Variants in SIL1 observed in about 807,000 individuals in gnomAD.
SIL1 encodes the protein SIL1 nucleotide exchange factor.
A neutral mutation model predicts 49.1 loss-of-function variants in SIL1; 40 were observed. The observed-to-expected ratio is 0.81, with a 90% CI of 0.63 to 1.06. SIL1 has a LOEUF of 1.06. SIL1 is among the 50% of genes least tolerant of loss of function. The probability of loss-of-function intolerance (pLI) is 0.00; values close to 1 mark genes in which losing one functional copy is unlikely to be tolerated. For synonymous variants in SIL1, 253 were observed against 250.8 expected (o/e 1.01, Z -0.08); for missense variants, 500 against 572.6 (o/e 0.87, Z 1.29).
chr5:139,071,188 T>TAAG (rs140468958), intron 3 of SIL1, among the ~76,000 whole-genome samples: 16 of 109,128 alleles, frequency 1.5e-4, no homozygotes, highest in African/African-American at 1.8e-4. Flanking sequence ...AGACAATTTA[T>TAAG]AAGAAGAAGA....
At chr5:138,958,537 TTC>T (rs2150382975) in intron 7 of SIL1, among the ~76,000 whole-genome samples, 2 of 152,288 alleles carry the variant, frequency 1.3e-5, no homozygotes, top group Non-Finnish European at 2.9e-5. Flanking sequence ...TCATTGACAA[TTC>T]TTGCTTAATT....
intron 6 of SIL1, chr5:139,021,961 A>G (rs1226234227): frequency 6.3e-6 from 1 of 157,554 alleles, no homozygotes; most frequent in Non-Finnish European, 1.4e-5. Context: ...ATCATTACAT[A>G]AAGTTCTATT....
intron 1 of SIL1, chr5:139,155,448 T>TGAGAGTGAGAGAGAGAGAGAGAGAGAGA (rs1751386941): frequency 7.9e-6 from 1 of 125,908 alleles, no homozygotes; most frequent in Non-Finnish European, 1.8e-5. Context: ...GTACACAGAG[T>TGAGAGTGAGAGAGAGAGAGAGAGAGAGA]GAGAGAGAGA....
At position 139,112,479 on chromosome 5, in the gene SIL1, C is replaced by T. The variant is rs1230351978; in HGVS notation, c.244+8556G>A. Among the ~76,000 whole-genome samples the T allele has an allele frequency of 1.4e-3, 213 of 149,848 alleles. 1 individual carries two copies. Among genetic ancestry groups the T allele is most frequent in the Non-Finnish European group, 2.6e-3 (174 of 67,372 alleles). ...GCCACCCAGTCTGGGATGTGAGGAG[C>T]GCCTCTGCCCGGCCGCGACCCCGTC... On this transcript the variant is annotated intron_variant, in intron 3 of 9. Transcript: ENST00000394817.
intron 7 of SIL1, among the ~76,000 whole-genome samples, chr5:138,972,463 C>T (rs1163756086): frequency 6.6e-6 from 1 of 152,246 alleles, no homozygotes; most frequent in Non-Finnish European, 1.5e-5. Context: ...CATGGGTGAA[C>T]CCTCTGGCTC....
chr5:139,125,752 G>A (rs906356150), intron 2 of SIL1, among the ~76,000 whole-genome samples: 1 of 152,140 alleles, frequency 6.6e-6, no homozygotes, highest in Admixed American at 6.5e-5. Context: ...GGGATCTTAC[G>A]AAGGGCCTGT....
At chr5:139,062,161 G>A (rs1332072343) in intron 3 of SIL1, among the ~76,000 whole-genome samples, 6 of 152,026 alleles carry the variant, frequency 3.9e-5, no homozygotes, top group South Asian at 2.1e-4. Context: ...AACAAATAAC[G>A]TGCACAAACC....
At chr5:139,062,907 G>C (rs1452798119) in intron 3 of SIL1, among the ~76,000 whole-genome samples, 1 of 152,222 alleles carries the variant, frequency 6.6e-6, no homozygotes, top group African/African-American at 2.4e-5. Context: ...TTGGGCACTG[G>C]GAAGTATACT....
At chr5:139,183,311 G>T (rs963244959) in intron 1 of SIL1, among the ~76,000 whole-genome samples, 4 of 152,196 alleles carry the variant, frequency 2.6e-5, no homozygotes, top group African/African-American at 9.7e-5. Flanking sequence ...TTTAAATTCT[G>T]ATTTAAGTAG....
intron 3 of SIL1, among the ~76,000 whole-genome samples, chr5:139,104,208 G>A (rs956821478): frequency 6.6e-6 from 1 of 152,218 alleles, no homozygotes; most frequent in Non-Finnish European, 1.5e-5. Context: ...TGGCTCAGAG[G>A]TAGCAACAAT....
At chr5:139,137,771 G>A (rs567207886) in intron 1 of SIL1, among the ~76,000 whole-genome samples, 1 of 148,474 alleles carries the variant, frequency 6.7e-6, no homozygotes, top group South Asian at 2.1e-4. Context: ...CTGAATGGGT[G>A]CTGGGAAAAC....
chr5:138,969,069 C>T lies in SIL1; in HGVS notation c.768-17185G>A, dbSNP rs60670119. 3.4e-3 allele frequency among the ~76,000 whole-genome samples: 514 copies of T among 152,180 alleles called. 1 individual carries two copies. The highest frequency in any genetic ancestry group is 0.012 in the African/African-American group (496 of 41,526). Reference sequence around the variant, plus strand: ...CTCCTCCTAGGAATGTCTGTATTTGCTCACAAAGAGAAGTTTATATATATA... The same window carrying T: ...CTCCTCCTAGGAATGTCTGTATTTGTTCACAAAGAGAAGTTTATATATATA... On this transcript the variant is annotated intron_variant, in intron 7 of 9. Transcript: ENST00000394817.
At chr5:139,171,226 C>G (rs939731595) in intron 1 of SIL1, among the ~76,000 whole-genome samples, 3 of 152,108 alleles carry the variant, frequency 2.0e-5, no homozygotes, top group African/African-American at 4.8e-5. Context: ...GAGAACGGGC[C>G]GGGATGACAA....
intron 7 of SIL1, among the ~76,000 whole-genome samples, chr5:139,001,015 C>T (rs1022819351): frequency 6.6e-6 from 1 of 151,844 alleles, no homozygotes; most frequent in African/African-American, 2.4e-5. Flanking sequence ...ACACAAAAAC[C>T]TACATAATCC....
chr5:139,002,789 T>G (rs953301606), intron 7 of SIL1, among the ~76,000 whole-genome samples: 2 of 152,204 alleles, frequency 1.3e-5, no homozygotes, highest in Admixed American at 1.3e-4. Context: ...ACTGGCTTAC[T>G]CCCCGGTTCC....
chr5:139,097,148 C>T (rs1294699942), intron 3 of SIL1, among the ~76,000 whole-genome samples: 1 of 152,050 alleles, frequency 6.6e-6, no homozygotes, highest in Non-Finnish European at 1.5e-5. Context: ...TTAAGTGCCA[C>T]CTCAGCTGCA....
chr5:139,183,162 G>T (rs1437480555), intron 1 of SIL1, among the ~76,000 whole-genome samples: 1 of 152,120 alleles, frequency 6.6e-6, no homozygotes, highest in Non-Finnish European at 1.5e-5. Context: ...AAACCTCTCT[G>T]GCCCGGCACA....
intron 7 of SIL1, among the ~76,000 whole-genome samples, chr5:139,008,441 T>G (rs1768173850): frequency 8.3e-6 from 1 of 120,482 alleles, no homozygotes; most frequent in Non-Finnish European, 1.7e-5. Flanking sequence ...TTTTGAAGGG[T>G]TTTTTGTGTC....
In SIL1 at chr5:139,121,077, C is replaced by T; in HGVS notation, c.202G>A (p.Glu68Lys). ...AEEELDAEVL[E>K]VFHPTHEWQA... ...CACTCATGCGTCGGGTGGAACACCT[C>T]CAGGACTTCGGCATCCAGCTCCTCC... Residue 68 changes from glutamate to lysine, a missense_variant, in exon 3 of 10, where the codon GAG becomes AAG. Transcript: ENST00000394817. 1.2e-6 allele frequency: 2 copies of T among 1,614,052 alleles called. No homozygotes were observed. Among genetic ancestry groups the T allele is most frequent in the East Asian group, 2.2e-5 (1 of 44,890 alleles).
Sources: gnomAD v4.1 joint callset for allele counts (sites outside exome capture counted in the v4.1 genomes callset) on GRCh38, gnomAD v4.1.1 for gene constraint, MANE v1.5 for transcripts, NCBI Gene and HGNC (gene_info 2026-07-23, HGNC 2026-07-21) for gene names.